The following AHRR variants were observed in gnomAD, a reference collection of about 807,000 sequenced individuals.
The protein encoded by AHRR is aryl hydrocarbon receptor repressor.
Under a neutral mutation model 44.0 loss-of-function variants are expected in AHRR, and 28 were observed. The ratio of observed to expected loss-of-function variants is 0.64; its 90% CI spans 0.47 to 0.87. AHRR has a LOEUF of 0.87. AHRR is among the 40% of genes least tolerant of loss of function. The pLI is 0.00. For synonymous variants in AHRR, 434 were observed against 407.0 expected (o/e 1.07, Z -0.80); for missense variants, 990 against 953.9 (o/e 1.04, Z -0.50).
intron 4 of AHRR, among the ~76,000 whole-genome samples, chr5:407,099 T>G (rs1234053635): frequency 6.6e-6 from 1 of 152,232 alleles, no homozygotes; most frequent in Admixed American, 6.5e-5. Flanking sequence ...ATTTCTTAGA[T>G]GTTTAATAAG....
At position 404,513 on chromosome 5, in the gene AHRR, G is replaced by A. The variant is rs1183896364; in HGVS notation, c.352-8831G>A. 9.7e-6 allele frequency: 4 copies of A among 413,884 alleles called. No individual in the cohort carries two copies. Among genetic ancestry groups the A allele is most frequent in the African/African-American group, 8.3e-5 (4 of 48,122 alleles). 25.6% of individuals were successfully genotyped at this position (413,884 alleles called of 1,614,324 possible). ...CAACTATTTTCAGACTTTACGGTTT[G>A]TAGTGATAACCTCTTCAGAAAAAGA... On this transcript the variant is annotated intron_variant, in intron 4 of 10. Coordinates refer to ENST00000684583, the MANE Select transcript of AHRR (RefSeq NM_001377236.1). This position sits in a 1 kb window ranked among gnomAD's most constrained non-coding sequence, Gnocchi z 4.1.
intron 4 of AHRR, among the ~76,000 whole-genome samples, chr5:381,278 A>G (rs891730057): frequency 6.6e-6 from 1 of 152,064 alleles, no homozygotes; most frequent in African/African-American, 2.4e-5. Flanking sequence ...ATCCAATCCA[A>G]TCGACACTTG....
At chr5:431,859 A>G (rs566496756) in intron 8 of AHRR, among the ~76,000 whole-genome samples, 5 of 152,336 alleles carry the variant, frequency 3.3e-5, no homozygotes, top group African/African-American at 1.2e-4. Flanking sequence ...AGGTGCCCAG[A>G]GGACAGAGAG....
intron 8 of AHRR, among the ~76,000 whole-genome samples, chr5:429,240 C>T (rs537211998): frequency 1.3e-5 from 2 of 151,686 alleles, no homozygotes; most frequent in Admixed American, 1.3e-4. Flanking sequence ...CTCAGAGAAT[C>T]GTGCAGGAGT....
rs996487747 is a variant in AHRR at position 321,998 on chromosome 5, T to G, written c.-11+179T>G. Among the ~76,000 whole-genome samples, 1 of 151,978 alleles carries G rather than the reference T, an allele frequency of 6.6e-6. No individual in the cohort carries two copies. The highest frequency in any genetic ancestry group is 1.5e-5 in the Non-Finnish European group (1 of 67,950). On this transcript the variant is annotated intron_variant, in intron 1 of 10. Transcript: ENST00000684583. The surrounding 1 kb of genome is among the most constrained non-coding windows in gnomAD (Gnocchi z 8.3). Reference sequence around the variant, plus strand: ...CGGGGCGGACACTCTGGGGTGCGGCTGGCTGGTCTCACTTAAAACTCGGAC... The same window carrying G: ...CGGGGCGGACACTCTGGGGTGCGGCGGGCTGGTCTCACTTAAAACTCGGAC...
intron 4 of AHRR, among the ~76,000 whole-genome samples, chr5:398,028 C>G (rs1734825096): frequency 7.5e-6 from 1 of 133,604 alleles, no homozygotes; most frequent in African/African-American, 2.7e-5. Flanking sequence ...ATCCACGTAG[C>G]TCCTGACCAT....
intron 5 of AHRR, among the ~76,000 whole-genome samples, chr5:420,171 T>C (rs919246716): frequency 5.3e-5 from 8 of 152,222 alleles, no homozygotes; most frequent in Non-Finnish European, 1.2e-4. Flanking sequence ...TGCGAAATGT[T>C]CCAGTATCCA....
chr5:402,438 TCGTG>T (rs1735055404), intron 4 of AHRR, among the ~76,000 whole-genome samples: 2 of 119,776 alleles, frequency 1.7e-5, no homozygotes, highest in African/African-American at 6.8e-5. Context: ...AAGGGGACCC[TCGTG>T]CACTGTTGGC....
chr5:423,788 C>T (rs746627921), intron 6 of AHRR, 53 bp from the exon 7 acceptor site: 35 of 1,548,564 alleles, frequency 2.3e-5, no homozygotes, highest in Non-Finnish European at 2.8e-5. Flanking sequence ...GCGTGTGACA[C>T]GTGTGTTTTG....
chr5:353,998 T>C lies in AHRR; in HGVS notation c.244+87T>C, dbSNP rs1033943437. 1.2e-4 allele frequency: 172 copies of C among 1,408,240 alleles called. No homozygotes were observed. The Middle Eastern group carries it at 3.0e-3, about 24-fold the overall frequency. 87.2% of individuals were successfully genotyped at this position (1,408,240 alleles called of 1,614,324 possible). ...TCTGGGGCCTTGTGGCCAGGTGAAG[T>C]GTGTCTGGTGGGTTGCACCATGTGC... On this transcript the variant is annotated intron_variant, in intron 3 of 10. Coordinates refer to ENST00000684583, the MANE Select transcript of AHRR (RefSeq NM_001377236.1).
chr5:385,441 C>CT (rs1428949331), intron 4 of AHRR, among the ~76,000 whole-genome samples: 1 of 152,188 alleles, frequency 6.6e-6, no homozygotes, highest in African/African-American at 2.4e-5. Flanking sequence ...TCCCAAAGTG[C>CT]TAGGATTACA....
chr5:422,994 CT>C (rs1736204196), intron 6 of AHRR, 136 bp downstream of exon 6: 5 of 1,256,082 alleles, frequency 4.0e-6, no homozygotes, highest in Non-Finnish European at 5.4e-6. Context: ...CAAATCTCAC[CT>C]TTCTTCAGAG....
chr5:416,087 C>T (rs1400973237), intron 5 of AHRR, among the ~76,000 whole-genome samples: 1 of 152,234 alleles, frequency 6.6e-6, no homozygotes. Flanking sequence ...GATGGCCTCT[C>T]CCCCAGCATC....
At chr5:401,507 A>G (rs1401861265) in intron 4 of AHRR, among the ~76,000 whole-genome samples, 1 of 152,236 alleles carries the variant, frequency 6.6e-6, no homozygotes. Flanking sequence ...TGCTGAGCAC[A>G]GGCAGGGACG....
chr5:400,516 T>G (rs1734969987), intron 4 of AHRR, among the ~76,000 whole-genome samples: 1 of 152,102 alleles, frequency 6.6e-6, no homozygotes. Flanking sequence ...CCAAATCCTT[T>G]TTCCGTTTGG....
At chr5:425,442 T>C (rs6895644) in intron 7 of AHRR, among the ~76,000 whole-genome samples, 4,439 of 152,294 alleles carry the variant, frequency 0.029, 127 homozygotes, top group Middle Eastern at 0.082. Flanking sequence ...CTCAGCCTCC[T>C]GAGTAGCTGG....
At chr5:339,403 G>A (rs139757832) in intron 1 of AHRR, among the ~76,000 whole-genome samples, 1,730 of 152,336 alleles carry the variant, frequency 0.011, 24 homozygotes, top group Middle Eastern at 0.037. Flanking sequence ...TTATAGGTGT[G>A]AGCCACTTCA....
intron 5 of AHRR, 126 bp from the exon 6 acceptor site, chr5:422,603 T>G: frequency 7.5e-7 from 1 of 1,325,330 alleles, no homozygotes; most frequent in Non-Finnish European, 1.1e-6. Context: ...TTCGGTGGGA[T>G]TCTCTCCCTG....
In AHRR at chr5:423,992, C is replaced by G; in HGVS notation, c.708+15C>G. The G allele has an allele frequency of 1.3e-6, 2 of 1,591,768 alleles. No individual in the cohort carries two copies. The highest frequency in any genetic ancestry group is 1.7e-6 in the Non-Finnish European group (2 of 1,174,938). On this transcript the variant is annotated intron_variant, in intron 7 of 10. Coordinates refer to ENST00000684583, the MANE Select transcript of AHRR (RefSeq NM_001377236.1). ...CGGGCTTCCTGGTGAGTGCGTGGGTCCCTGGCAGGGGGCTCCCGACATCTG... is the reference window on the plus strand; with the variant it reads ...CGGGCTTCCTGGTGAGTGCGTGGGTGCCTGGCAGGGGGCTCCCGACATCTG...
Sources: gnomAD v4.1 joint callset for allele counts (sites outside exome capture counted in the v4.1 genomes callset) on GRCh38, gnomAD v4.1.1 for gene constraint, Gnocchi (gnomAD v3.1) non-coding constraint, MANE v1.5 for transcripts, NCBI Gene and HGNC (gene_info 2026-07-23, HGNC 2026-07-21) for gene names.